DAB1: variants seen among roughly 807,000 people sequenced by gnomAD.
DAB1 encodes the protein DAB adaptor protein 1.
DAB1 carries 15 observed loss-of-function variants against 64.6 expected under a neutral mutation model. That is an observed-to-expected ratio of 0.23 (90% CI 0.16 to 0.36). DAB1 has a LOEUF of 0.36. Ranked by LOEUF, DAB1 falls within the 10% of genes least tolerant of loss-of-function variation. DAB1 has a pLI of 1.00. For missense variants in DAB1, 596 were observed against 706.7 expected (o/e 0.84, Z 1.78); for synonymous variants, 235 against 251.9 (o/e 0.93, Z 0.64).
chr1:57,180,513 C>T (rs568494312), intron 2 of DAB1, among the ~76,000 whole-genome samples: 44 of 152,240 alleles, frequency 2.9e-4, no homozygotes, highest in African/African-American at 1.1e-3. Flanking sequence ...TCAAGACTTG[C>T]GGATGGGGGG....
At chr1:57,454,462 C>T (rs1019253469) in intron 7 of DAB1, among the ~76,000 whole-genome samples, 4 of 151,820 alleles carry the variant, frequency 2.6e-5, no homozygotes, top group African/African-American at 9.7e-5. Flanking sequence ...GATGAGAACC[C>T]CTGAACACAA....
At chr1:57,739,746 C>A (rs1162820232) in intron 6 of DAB1, among the ~76,000 whole-genome samples, 2 of 151,432 alleles carry the variant, frequency 1.3e-5, no homozygotes, top group East Asian at 2.0e-4. Context: ...AGCCACCACA[C>A]CCACCTACTT....
intron 4 of DAB1, among the ~76,000 whole-genome samples, chr1:58,199,783 G>GT (rs1657897575): frequency 6.6e-6 from 1 of 152,132 alleles, no homozygotes; most frequent in African/African-American, 2.4e-5. Context: ...TGAATTTTCA[G>GT]TGGCTTCACA....
chr1:58,057,755 G>A (rs1157801551), intron 5 of DAB1, among the ~76,000 whole-genome samples: 1 of 152,126 alleles, frequency 6.6e-6, no homozygotes, highest in African/African-American at 2.4e-5. Context: ...CCAGTTTGTG[G>A]TACTTTGTCA....
intron 7 of DAB1, among the ~76,000 whole-genome samples, chr1:57,433,186 C>A (rs1436208596): frequency 1.3e-5 from 2 of 152,058 alleles, no homozygotes; most frequent in Non-Finnish European, 2.9e-5. Flanking sequence ...TCCTAGCACA[C>A]TTTTTGAAAA....
At chr1:57,286,631 T>G (rs1415084430) in intron 2 of DAB1, among the ~76,000 whole-genome samples, 1 of 152,218 alleles carries the variant, frequency 6.6e-6, no homozygotes, top group Non-Finnish European at 1.5e-5. Flanking sequence ...AAGTTAATAT[T>G]TTCCAGAAAT....
chr1:58,054,629 A>G (rs1001002547), intron 5 of DAB1, among the ~76,000 whole-genome samples: 4 of 152,232 alleles, frequency 2.6e-5, no homozygotes. Context: ...TTGGTCTCAC[A>G]AAGATATTTC....
chr1:57,614,743 C>T (rs746495109), intron 7 of DAB1, among the ~76,000 whole-genome samples: 40 of 151,954 alleles, frequency 2.6e-4, no homozygotes, highest in Non-Finnish European at 4.4e-4. Flanking sequence ...TTCTTAACAT[C>T]CTAGGGCTAG....
chr1:58,453,634 C>T (rs573181100), intron 3 of DAB1, among the ~76,000 whole-genome samples: 8 of 152,302 alleles, frequency 5.3e-5, no homozygotes, highest in African/African-American at 7.2e-5. Context: ...CTCCTTGATG[C>T]GCTGGGGATG....
chr1:57,423,755 C>A (rs1685114528), intron 1 of DAB1, among the ~76,000 whole-genome samples, 175 bp downstream of exon 1: 1 of 152,098 alleles, frequency 6.6e-6, no homozygotes, highest in Non-Finnish European at 1.5e-5. Flanking sequence ...CGAAAAACTG[C>A]TGCAGTCGCC....
At chr1:58,398,040 T>C (rs1470150140) in intron 3 of DAB1, among the ~76,000 whole-genome samples, 3 of 152,130 alleles carry the variant, frequency 2.0e-5, no homozygotes, top group African/African-American at 7.2e-5. Context: ...CCCATAACAC[T>C]TTCTAACAGA....
At chr1:57,606,843 G>T (rs1472226076) in intron 7 of DAB1, among the ~76,000 whole-genome samples, 1 of 148,664 alleles carries the variant, frequency 6.7e-6, no homozygotes, top group African/African-American at 2.5e-5. Flanking sequence ...AGGCTAGAGT[G>T]CAATGGTACG....
At chr1:58,058,139 G>C (rs1195857570) in intron 5 of DAB1, among the ~76,000 whole-genome samples, 1 of 152,046 alleles carries the variant, frequency 6.6e-6, no homozygotes. Flanking sequence ...CTTATTCTTA[G>C]TTGTATTATG....
chr1:57,876,040 C>G (rs1644040087), intron 1 of DAB1: 1 of 152,198 alleles, frequency 6.6e-6, no homozygotes, highest in Non-Finnish European at 1.5e-5. Context: ...CAGCATAAAT[C>G]AGTGACCAGC....
chr1:58,289,819 G>C (rs1187392211), intron 4 of DAB1, among the ~76,000 whole-genome samples: 1 of 152,178 alleles, frequency 6.6e-6, no homozygotes. Context: ...TATGCTAAAA[G>C]CAATGACAAA....
At chr1:58,541,308 A>G (rs1382045186) in intron 1 of DAB1, among the ~76,000 whole-genome samples, 3 of 114,122 alleles carry the variant, frequency 2.6e-5, no homozygotes, top group African/African-American at 7.4e-5. Context: ...AAAAAAAAAA[A>G]AAAAAAAAAA....
intron 2 of DAB1, among the ~76,000 whole-genome samples, chr1:57,257,432 G>A (rs1419351516): frequency 6.6e-6 from 1 of 152,190 alleles, no homozygotes; most frequent in Non-Finnish European, 1.5e-5. Flanking sequence ...TGGATAAAGT[G>A]CATGCATTAT....
chr1:57,225,144 G>A (rs1667166200), intron 2 of DAB1, among the ~76,000 whole-genome samples: 1 of 152,130 alleles, frequency 6.6e-6, no homozygotes, highest in African/African-American at 2.4e-5. Flanking sequence ...CACAATCTAA[G>A]TGTGGCACTT....
chr1:57,902,686 CAGTT>C (rs1319030268), intron 5 of DAB1, among the ~76,000 whole-genome samples: 1 of 152,128 alleles, frequency 6.6e-6, no homozygotes, highest in Non-Finnish European at 1.5e-5. Context: ...GACATGATTT[CAGTT>C]AGCTCCATCA....
Sources: allele counts gnomAD v4.1 joint callset (sites outside exome capture counted in the v4.1 genomes callset), GRCh38; gene constraint gnomAD v4.1.1; transcripts MANE v1.5; gene names NCBI Gene and HGNC (gene_info 2026-07-23, HGNC 2026-07-21).